ITSN1: variants seen among roughly 807,000 people sequenced by gnomAD.
The protein encoded by ITSN1 is intersectin 1.
A neutral mutation model predicts 239.8 loss-of-function variants in ITSN1; 58 were observed. The observed-to-expected ratio is 0.24, with a 90% CI of 0.20 to 0.30. The LOEUF (loss-of-function observed/expected upper bound fraction) is 0.30, where lower values mean the gene tolerates loss of function less well. Ranked by LOEUF, ITSN1 falls within the 10% of genes least tolerant of loss-of-function variation. ITSN1 has a pLI of 1.00. For synonymous variants in ITSN1, 780 were observed against 770.8 expected, an observed-to-expected ratio of 1.01 and a Z score of -0.20; for missense variants, 1,558 against 2,103.3, an observed-to-expected ratio of 0.74 and a Z score of 5.07.
intron 1 of ITSN1, among the ~76,000 whole-genome samples, chr21:33,713,753 G>C (rs1280025274): frequency 2.0e-5 from 3 of 151,662 alleles, no homozygotes; most frequent in Non-Finnish European, 4.4e-5. Context: ...TAGGAGCCAA[G>C]GAGAACCTCG....
chr21:33,786,993 C>G (rs2070727828), intron 16 of ITSN1, among the ~76,000 whole-genome samples: 1 of 152,152 alleles, frequency 6.6e-6, no homozygotes, highest in Non-Finnish European at 1.5e-5. Context: ...TTCAGTTTCC[C>G]CTGCGCAGAT....
intron 17 of ITSN1, among the ~76,000 whole-genome samples, chr21:33,796,757 A>G (rs995582951): frequency 3.3e-5 from 5 of 152,212 alleles, no homozygotes; most frequent in African/African-American, 2.4e-5. Flanking sequence ...GTCATTTGTT[A>G]TTACATATTA....
chr21:33,854,990 A>G (rs1366072991), intron 29 of ITSN1, among the ~76,000 whole-genome samples: 1 of 152,178 alleles, frequency 6.6e-6, no homozygotes, highest in African/African-American at 2.4e-5. Context: ...CAGAGAACGG[A>G]CAAAACCAAG....
At chr21:33,688,617 T>G (rs2091361681) in intron 1 of ITSN1, among the ~76,000 whole-genome samples, 1 of 152,106 alleles carries the variant, frequency 6.6e-6, no homozygotes, top group South Asian at 2.1e-4. Flanking sequence ...CAGTTTCCAA[T>G]AGATCTAGTT....
chr21:33,803,312 A>G (rs879487543), intron 20 of ITSN1, among the ~76,000 whole-genome samples: 6 of 152,060 alleles, frequency 3.9e-5, no homozygotes, highest in Non-Finnish European at 7.4e-5. Flanking sequence ...CAGAAATTCT[A>G]TTTTTCTCCT....
rs990193390 is a variant in ITSN1 at position 33,814,352 on chromosome 21, C to T, written c.2727+280C>T. 1.1e-5 allele frequency: 4 copies of T among 367,140 alleles called. No individual in the cohort carries two copies. The South Asian group carries it at 1.5e-4, about 14-fold the overall frequency. The allele number at this position is 367,140 out of a possible 1,614,324, so 22.7% of individuals were successfully genotyped here. On this transcript the variant is annotated intron_variant, in intron 22 of 39. Transcript: ENST00000381318. ...CTGCATCTTGACCAGTGGGTAAGATCTTACTAGAAAATGGAGAGAGCCTGC... is the reference window on the plus strand; with the variant it reads ...CTGCATCTTGACCAGTGGGTAAGATTTTACTAGAAAATGGAGAGAGCCTGC...
intron 29 of ITSN1, among the ~76,000 whole-genome samples, chr21:33,850,581 A>C (rs1372221885): frequency 1.3e-5 from 2 of 152,178 alleles, no homozygotes; most frequent in African/African-American, 2.4e-5. Flanking sequence ...CTCCCAAAGG[A>C]CAAGGACCCG....
At chr21:33,828,627 TTTC>T (rs1235459802) in intron 26 of ITSN1, among the ~76,000 whole-genome samples, 4 of 152,374 alleles carry the variant, frequency 2.6e-5, no homozygotes, top group Admixed American at 1.3e-4. Context: ...TCATTCCCTC[TTTC>T]TTCTTTTTTT....
intron 26 of ITSN1, among the ~76,000 whole-genome samples, chr21:33,827,513 C>A (rs2074040374): frequency 6.6e-6 from 1 of 152,202 alleles, no homozygotes; most frequent in African/African-American, 2.4e-5. Context: ...GCTTCTCCGT[C>A]TTCCTCTTAG....
Position 33,648,868 on chromosome 21 carries a change from G to C in ITSN1, c.-33+6155G>C, listed in dbSNP as rs1025628075. Among the ~76,000 whole-genome samples the C allele has an allele frequency of 4.2e-4, 63 of 151,728 alleles. 1 individual carries two copies. The highest frequency in any genetic ancestry group is 1.3e-4 in the Admixed American group (2 of 15,206). On this transcript the variant is annotated intron_variant, in intron 1 of 39. Transcript: ENST00000381318. ...AGGGCAGGGCAAGAGAGAGAGAAAA[G>C]AAAGGAGAGAAAGAGAAAGAGAAGG...
At chr21:33,784,389 G>C (rs575882084) in intron 16 of ITSN1, among the ~76,000 whole-genome samples, 31 of 151,156 alleles carry the variant, frequency 2.1e-4, no homozygotes, top group African/African-American at 6.8e-4. Context: ...TGTAGTCCCA[G>C]CTACTTGGGA....
chr21:33,743,179 A>C (rs1435110434), intron 5 of ITSN1, among the ~76,000 whole-genome samples: 1 of 152,180 alleles, frequency 6.6e-6, no homozygotes, highest in East Asian at 1.9e-4. Context: ...ATTAAAAGGA[A>C]ATGAGGCTGG....
rs1402471263 is a variant in ITSN1, at chr21:33,891,177, T to A, written c.*2877T>A. On this transcript the variant is annotated 3_prime_UTR_variant, in exon 40 of 40. Coordinates refer to ENST00000381318, the MANE Select transcript of ITSN1 (RefSeq NM_003024.3). ...CTGTGACCATGAGAGCCTGAAGATGTGGCTCATTCGGATCCAGGCCTGGAC... is the reference window on the plus strand; with the variant it reads ...CTGTGACCATGAGAGCCTGAAGATGAGGCTCATTCGGATCCAGGCCTGGAC... The A allele has an allele frequency of 6.6e-6, 1 of 152,234 alleles. No individual in the cohort carries two copies. The highest frequency in any genetic ancestry group is 1.9e-4 in the East Asian group (1 of 5,198). The allele number at this position is 152,234 out of a possible 1,614,324, so 9.4% of individuals were successfully genotyped here. A position where few individuals can be genotyped will look rare whatever the true frequency, so the allele number is the denominator to read the frequency against.
chr21:33,741,766 GTGTCTGT>G (rs2147340961), intron 5 of ITSN1, among the ~76,000 whole-genome samples: 1 of 151,474 alleles, frequency 6.6e-6, no homozygotes, highest in South Asian at 2.1e-4. Context: ...ATGGTGGCGG[GTGTCTGT>G]AGTCCCAGCT....
At chr21:33,811,565 A>T (rs1266949307) in intron 21 of ITSN1, among the ~76,000 whole-genome samples, 1 of 152,238 alleles carries the variant, frequency 6.6e-6, no homozygotes, top group Non-Finnish European at 1.5e-5. Context: ...AAATTTTCAG[A>T]GTTATTTCCT....
At chr21:33,765,030 C>G (rs1308932336) in intron 9 of ITSN1, among the ~76,000 whole-genome samples, 1 of 152,234 alleles carries the variant, frequency 6.6e-6, no homozygotes, top group Non-Finnish European at 1.5e-5. Flanking sequence ...TGGCCTGCAT[C>G]TGTTTTTGTG....
chr21:33,691,382 T>C (rs547121041), intron 1 of ITSN1, among the ~76,000 whole-genome samples: 3 of 152,350 alleles, frequency 2.0e-5, no homozygotes, highest in Non-Finnish European at 2.9e-5. Flanking sequence ...GTTTTACTTA[T>C]GTTAAAACTC....
chr21:33,862,615 G>T (rs1456490518), intron 31 of ITSN1, among the ~76,000 whole-genome samples: 4 of 152,264 alleles, frequency 2.6e-5, no homozygotes, highest in Admixed American at 2.6e-4. Context: ...CAGGGCAGCC[G>T]CGTCTGGGAA....
At chr21:33,667,502 T>C (rs2090002295) in intron 1 of ITSN1, among the ~76,000 whole-genome samples, 1 of 152,182 alleles carries the variant, frequency 6.6e-6, no homozygotes, top group South Asian at 2.1e-4. Flanking sequence ...TCTTTACTGC[T>C]TCAGAGGTTA....
Sources: gnomAD v4.1 joint callset for allele counts (sites outside exome capture counted in the v4.1 genomes callset) on GRCh38, gnomAD v4.1.1 for gene constraint, MANE v1.5 for transcripts, NCBI Gene and HGNC (gene_info 2026-07-23, HGNC 2026-07-21) for gene names.